Variants in PRMT3 observed in about 807,000 individuals in gnomAD.
PRMT3 encodes the protein protein arginine methyltransferase 3.
A neutral mutation model predicts 71.9 loss-of-function variants in PRMT3; 62 were observed. That is an observed-to-expected ratio of 0.86 (90% confidence interval 0.70 to 1.07). The LOEUF (loss-of-function observed/expected upper bound fraction) is 1.07. Among genes scored for constraint, PRMT3 ranks in the 50% least tolerant of loss-of-function variants. PRMT3 has a pLI of 0.00. For synonymous variants in PRMT3, 213 were observed against 220.4 expected, an observed-to-expected ratio of 0.97 and a Z score of 0.30; for missense variants, 663 against 643.0, an observed-to-expected ratio of 1.03 and a Z score of -0.34.
At chr11:20,441,788 G>GT (rs61553968) in intron 10 of PRMT3, among the ~76,000 whole-genome samples, 3,000 of 118,400 alleles carry the variant, frequency 0.025, 132 homozygotes, top group African/African-American at 0.092. Flanking sequence ...ATAGTTTCAG[G>GT]TTTTTTTTTT....
intron 15 of PRMT3, among the ~76,000 whole-genome samples, chr11:20,497,807 A>G (rs1397077696): frequency 1.3e-5 from 2 of 152,218 alleles, no homozygotes; most frequent in Non-Finnish European, 2.9e-5. Flanking sequence ...GGCTGTCTAG[A>G]TCCTCCTTAA....
chr11:20,481,670 A>G (rs1162634366), intron 13 of PRMT3, among the ~76,000 whole-genome samples: 3 of 152,094 alleles, frequency 2.0e-5, no homozygotes, highest in Non-Finnish European at 4.4e-5. Context: ...GTACTATAAA[A>G]TAATGTTTTG....
intron 13 of PRMT3, among the ~76,000 whole-genome samples, chr11:20,471,989 C>T (rs1269717463): frequency 6.6e-6 from 1 of 151,972 alleles, no homozygotes; most frequent in Non-Finnish European, 1.5e-5. Context: ...CATGATTTGG[C>T]TCTCAGCTTG....
intron 10 of PRMT3, among the ~76,000 whole-genome samples, chr11:20,450,780 C>G (rs946199629): frequency 3.3e-5 from 5 of 151,984 alleles, no homozygotes; most frequent in Admixed American, 2.0e-4. Context: ...GAAGATTATC[C>G]ATTCTGGGTT....
chr11:20,393,318 G>T (rs1235982505), intron 5 of PRMT3, among the ~76,000 whole-genome samples: 7 of 152,106 alleles, frequency 4.6e-5, no homozygotes. Context: ...ATGGTGGCGG[G>T]CTTCTGTAGT....
chr11:20,467,650 A>G (rs1240000505), intron 13 of PRMT3, among the ~76,000 whole-genome samples: 4 of 152,204 alleles, frequency 2.6e-5, no homozygotes, highest in Non-Finnish European at 2.9e-5. Context: ...TCACAGATTC[A>G]TGTGATGAAA....
intron 5 of PRMT3, 96 bp downstream of exon 5, chr11:20,393,095 T>A: frequency 1.4e-6 from 1 of 740,512 alleles, no homozygotes; most frequent in Non-Finnish European, 2.3e-6. Flanking sequence ...ACATGCTTTT[T>A]AAAATTATCT....
intron 8 of PRMT3, among the ~76,000 whole-genome samples, chr11:20,404,022 T>C (rs958105295): frequency 2.6e-5 from 4 of 152,120 alleles, no homozygotes; most frequent in Non-Finnish European, 4.4e-5. Context: ...ACAGATATAC[T>C]GTAATTTATA....
intron 8 of PRMT3, chr11:20,406,944 T>C (rs1374599360): frequency 6.6e-6 from 1 of 152,234 alleles, no homozygotes; most frequent in African/African-American, 2.4e-5. Context: ...GTATATCCAA[T>C]GTAAGAATGT....
intron 13 of PRMT3, among the ~76,000 whole-genome samples, chr11:20,471,500 T>G (rs1470700707): frequency 2.0e-5 from 3 of 152,118 alleles, no homozygotes; most frequent in Admixed American, 1.3e-4. Flanking sequence ...TTTGTCAGGT[T>G]TTTTGAAGAT....
chr11:20,398,312 G>A (rs1171920216), intron 7 of PRMT3, among the ~76,000 whole-genome samples: 1 of 152,144 alleles, frequency 6.6e-6, no homozygotes, highest in African/African-American at 2.4e-5. Context: ...TTTTTATGGT[G>A]TAAGTTTTTT....
intron 13 of PRMT3, among the ~76,000 whole-genome samples, chr11:20,464,856 C>T (rs1350814940): frequency 2.0e-5 from 3 of 152,120 alleles, no homozygotes; most frequent in South Asian, 4.1e-4. Context: ...AAAGTTCATA[C>T]CCTATTCCTC....
intron 12 of PRMT3, 59 bp downstream of exon 12, chr11:20,462,226 A>G (rs1850402885): frequency 2.3e-6 from 3 of 1,331,462 alleles, no homozygotes; most frequent in African/African-American, 2.9e-5. Context: ...TTAGTTCAGC[A>G]TTTGAAAATA....
At chr11:20,488,746 T>C (rs1851138701) in intron 13 of PRMT3, among the ~76,000 whole-genome samples, 2 of 152,200 alleles carry the variant, frequency 1.3e-5, no homozygotes, top group Admixed American at 6.5e-5. Context: ...ATACACACAA[T>C]GTGTCCTCTT....
chr11:20,454,288 T>C (rs1486774013), intron 11 of PRMT3, among the ~76,000 whole-genome samples: 1 of 152,206 alleles, frequency 6.6e-6, no homozygotes, highest in Non-Finnish European at 1.5e-5. Context: ...TCCAAGTAAC[T>C]GTTTCCAGAC....
chr11:20,471,957 C>T (rs1327228994), intron 13 of PRMT3, among the ~76,000 whole-genome samples: 2 of 151,740 alleles, frequency 1.3e-5, no homozygotes, highest in African/African-American at 2.4e-5. Context: ...TTTTTTGTAG[C>T]AATTGTGAAT....
At chr11:20,467,288 T>C (rs1210128021) in intron 13 of PRMT3, among the ~76,000 whole-genome samples, 1 of 152,350 alleles carries the variant, frequency 6.6e-6, no homozygotes, top group East Asian at 1.9e-4. Flanking sequence ...TGTCAGACAA[T>C]GTGCTAATCA....
intron 13 of PRMT3, among the ~76,000 whole-genome samples, chr11:20,490,915 CTTCA>C (rs1488015258): frequency 1.3e-5 from 2 of 152,024 alleles, no homozygotes; most frequent in African/African-American, 2.4e-5. Flanking sequence ...TTGAAAATGC[CTTCA>C]TTCATTCTGT....
At chr11:20,496,414 T>G (rs1482482438) in intron 15 of PRMT3, among the ~76,000 whole-genome samples, 2 of 152,076 alleles carry the variant, frequency 1.3e-5, no homozygotes, top group African/African-American at 4.8e-5. Flanking sequence ...TGAGACCCTG[T>G]CTCTTGGGGA....
Sources: gnomAD v4.1 joint callset for allele counts (sites outside exome capture counted in the v4.1 genomes callset) on GRCh38, gnomAD v4.1.1 for gene constraint, MANE v1.5 for transcripts, NCBI Gene and HGNC (gene_info 2026-07-23, HGNC 2026-07-21) for gene names.